The following ITGA6 variants were observed in gnomAD, a reference collection of about 807,000 sequenced individuals.
The protein encoded by ITGA6 is integrin subunit alpha 6, also known as integrin alpha-6.
ITGA6 carries 63 observed loss-of-function variants against 133.6 expected under a neutral mutation model. The observed-to-expected ratio is 0.47, with a 90% CI of 0.38 to 0.58. The LOEUF is 0.58. Ranked by LOEUF, ITGA6 falls within the 20% of genes least tolerant of loss-of-function variation. ITGA6 has a pLI of 0.00. For missense variants in ITGA6, 1,068 were observed against 1,309.4 expected (o/e 0.82, Z 2.85); for synonymous variants, 434 against 482.0 (o/e 0.90, Z 1.30).
intron 5 of ITGA6, among the ~76,000 whole-genome samples, 157 bp downstream of exon 5, chr2:172,471,262 A>G (rs965985765): frequency 5.9e-5 from 9 of 152,146 alleles, no homozygotes; most frequent in Admixed American, 2.0e-4. Flanking sequence ...GGTGATCTAG[A>G]GGCGTTAAAC....
intron 25 of ITGA6, among the ~76,000 whole-genome samples, chr2:172,502,956 C>CT (rs1180721672): frequency 4.9e-5 from 7 of 141,668 alleles, no homozygotes; most frequent in Non-Finnish European, 1.1e-4. Context: ...GGTACTTTGG[C>CT]TTTTTTTTCT....
chr2:172,501,968 G>GAAC (rs1331861585), intron 25 of ITGA6, 67 bp downstream of exon 25: 141 of 1,402,744 alleles, frequency 1.0e-4, no homozygotes, highest in Non-Finnish European at 1.0e-4. Context: ...CTAACTTTAA[G>GAAC]AACAACAGCT....
chr2:172,484,090 C>T (rs1234968154), intron 11 of ITGA6, among the ~76,000 whole-genome samples: 2 of 152,226 alleles, frequency 1.3e-5, no homozygotes, highest in Admixed American at 6.5e-5. Flanking sequence ...GGATGCCAGG[C>T]AGAATTCACT....
At chr2:172,474,854 T>G in intron 6 of ITGA6, 75 bp from the exon 7 acceptor site, 1 of 798,330 alleles carries the variant, frequency 1.3e-6, no homozygotes, top group Admixed American at 1.7e-5. Context: ...TGTCTTTGTA[T>G]CCTTAGTACC....
At position 172,501,769 on chromosome 2, in the gene ITGA6, T is replaced by C. The variant is rs1213052540; in HGVS notation, c.3115-3T>C. The C allele has an allele frequency of 6.2e-7, 1 of 1,611,882 alleles. No homozygotes were observed. Among genetic ancestry groups the C allele is most frequent in the South Asian group, 1.1e-5 (1 of 90,924 alleles). The stretch of plus-strand genomic sequence containing the variant: ...ATTGACTAAATACCTTGCTTCCTTG[T>C]AGTGTGGTTTCTTCAAGAGAAATAA... On this transcript the variant is annotated splice_polypyrimidine_tract_variant and splice_region_variant and intron_variant, in intron 24 of 25. Transcript: ENST00000684293.
chr2:172,469,897 G>A (rs979837067), intron 4 of ITGA6, among the ~76,000 whole-genome samples: 5 of 152,118 alleles, frequency 3.3e-5, no homozygotes, highest in Admixed American at 1.3e-4. Flanking sequence ...GAATTTTGAG[G>A]TATAATTTCA....
intron 1 of ITGA6, among the ~76,000 whole-genome samples, chr2:172,447,095 G>A (rs1305357193): frequency 6.6e-6 from 1 of 151,948 alleles, no homozygotes; most frequent in Non-Finnish European, 1.5e-5. Flanking sequence ...ATGGGGTTTC[G>A]CCATGTGGGC....
intron 8 of ITGA6, among the ~76,000 whole-genome samples, chr2:172,476,051 G>A (rs949116392): frequency 9.9e-5 from 15 of 152,144 alleles, no homozygotes; most frequent in Admixed American, 9.2e-4. Context: ...CATGGAGAAT[G>A]TAGACACCAA....
In ITGA6 at chr2:172,504,174, C is replaced by A; in HGVS notation, c.*106C>A. 6.3e-7 allele frequency: 1 copy of A among 1,586,682 alleles called. No homozygotes were observed. Among genetic ancestry groups the A allele is most frequent in the South Asian group, 1.1e-5 (1 of 87,272 alleles). Reference sequence around the variant, plus strand: ...GGATCCGGAAAGAAGAGCGAGAGATCAAAGATGAAAAGTATATTGATAACC... The same window carrying A: ...GGATCCGGAAAGAAGAGCGAGAGATAAAAGATGAAAAGTATATTGATAACC... On this transcript the variant is annotated 3_prime_UTR_variant, in exon 26 of 26. Transcript: ENST00000684293.
At chr2:172,488,089 C>A (rs373885785) in intron 18 of ITGA6, 37 bp from the exon 19 acceptor site, 20 of 1,608,438 alleles carry the variant, frequency 1.2e-5, no homozygotes, top group Non-Finnish European at 1.6e-5. Flanking sequence ...GAACCATTTA[C>A]AATCCTCATT....
chr2:172,496,121 A>G (rs1398907004), intron 23 of ITGA6, among the ~76,000 whole-genome samples: 2 of 152,364 alleles, frequency 1.3e-5, no homozygotes, highest in Admixed American at 1.3e-4. Context: ...GTTTCATTGT[A>G]GTCAGCTTAC....
chr2:172,428,053 G>T, intron 1 of ITGA6, 83 bp downstream of exon 1: 1 of 1,438,192 alleles, frequency 7.0e-7, no homozygotes, highest in Non-Finnish European at 9.3e-7. Flanking sequence ...GTTCCCGCCG[G>T]CCCCGGGGAG....
At chr2:172,486,556 C>A (rs2149071651) in intron 13 of ITGA6, among the ~76,000 whole-genome samples, 1 of 152,224 alleles carries the variant, frequency 6.6e-6, no homozygotes, top group African/African-American at 2.4e-5. Context: ...ATAATAGTAT[C>A]TTTTTAGAGG....
At position 172,489,507 on chromosome 2, in the gene ITGA6, T is replaced by G. The variant is rs991873836; in HGVS notation, c.2528T>G (p.Leu843Arg). ...EFRVINLGKPLTNLGTATLNI... is the reference protein window; with the variant it reads ...EFRVINLGKPRTNLGTATLNI... ...CAGGTAATAAACTTAGGTAAACCTCTTACAAACCTCGGCACAGCAACCTTG... is the reference window on the plus strand; with the variant it reads ...CAGGTAATAAACTTAGGTAAACCTCGTACAAACCTCGGCACAGCAACCTTG... Residue 843 changes from leucine to arginine, a missense_variant, in exon 20 of 26, where the codon CTT becomes CGT. Leu to Arg is a moderately radical substitution (Grantham distance 102, BLOSUM62 -2). Coordinates refer to ENST00000684293, the MANE Select transcript of ITGA6 (RefSeq NM_000210.4). 5.6e-6 allele frequency: 9 copies of G among 1,613,686 alleles called. No individual in the cohort carries two copies. The highest frequency in any genetic ancestry group is 6.8e-6 in the Non-Finnish European group (8 of 1,179,598).
At chr2:172,450,524 G>T (rs1028977201) in intron 1 of ITGA6, among the ~76,000 whole-genome samples, 1 of 152,180 alleles carries the variant, frequency 6.6e-6, no homozygotes, top group Non-Finnish European at 1.5e-5. Flanking sequence ...CTGAGAAGTG[G>T]TCAGAGTAAA....
chr2:172,433,893 T>G (rs535401861), intron 1 of ITGA6, among the ~76,000 whole-genome samples: 1 of 152,238 alleles, frequency 6.6e-6, no homozygotes, highest in Non-Finnish European at 1.5e-5. Context: ...GATGGGTGCA[T>G]AGACATGACG....
At chr2:172,476,559 T>G in intron 9 of ITGA6, 46 bp downstream of exon 9, 1 of 1,138,380 alleles carries the variant, frequency 8.8e-7, no homozygotes, top group Non-Finnish European at 1.3e-6. Context: ...TATAATCAGG[T>G]TATACTAAAA....
intron 25 of ITGA6, 124 bp from the exon 26 acceptor site, chr2:172,503,967 C>A: frequency 1.6e-6 from 1 of 631,726 alleles, no homozygotes; most frequent in Non-Finnish European, 2.4e-6. Context: ...AAAAGAAAAC[C>A]ATGTCTTTTT....
In ITGA6 at chr2:172,488,011, T is replaced by C. The variant is rs531126224; in HGVS notation, c.2375T>C (p.Val792Ala). Reference sequence around the variant, plus strand: ...CCAATTACAGCTAAAGCAAAAGTGGTTATTGAACTGCTTTTATCGGTCTCG... The same window carrying C: ...CCAATTACAGCTAAAGCAAAAGTGGCTATTGAACTGCTTTTATCGGTCTCG... ...LAPITAKAKV[V>A]IELLLSVSGV... is the part of the protein sequence containing the mutation. Residue 792 changes from valine to alanine, a missense_variant, in exon 18 of 26, where the codon GTT becomes GCT. This residue lies in a region of ITGA6 where 609 missense variants were observed against 707.2 expected (regional missense o/e 0.86). Coordinates refer to ENST00000684293, the MANE Select transcript of ITGA6 (RefSeq NM_000210.4). 3 of 1,614,082 alleles carry C rather than the reference T, an allele frequency of 1.9e-6. No individual in the cohort carries two copies. The highest frequency in any genetic ancestry group is 2.7e-5 in the African/African-American group (2 of 75,042).
Sources: gnomAD v4.1 joint callset for allele counts (sites outside exome capture counted in the v4.1 genomes callset) on GRCh38, gnomAD v4.1.1 for gene constraint, gnomAD v4.1.1 regional missense constraint, MANE v1.5 for transcripts, NCBI Gene and HGNC (gene_info 2026-07-23, HGNC 2026-07-21) for gene names.